Variants in SKIL observed in about 807,000 individuals in gnomAD.
SKIL encodes the protein SKI like proto-oncogene.
In SKIL, 20 loss-of-function variants were observed where a neutral mutation model predicts 69.6. The observed-to-expected ratio is 0.29, with a 90% CI of 0.20 to 0.42. The LOEUF (loss-of-function observed/expected upper bound fraction) is 0.42, where lower values mean the gene tolerates loss of function less well. Among genes scored for constraint, SKIL ranks in the 10% least tolerant of loss-of-function variants. SKIL has a pLI of 1.00. For synonymous variants in SKIL, 310 were observed against 279.9 expected, an observed-to-expected ratio of 1.11 and a Z score of -1.08; for missense variants, 745 against 783.1, an observed-to-expected ratio of 0.95 and a Z score of 0.58.
At chr3:170,385,985 T>G (rs1737609678) in intron 4 of SKIL, among the ~76,000 whole-genome samples, 1 of 151,298 alleles carries the variant, frequency 6.6e-6, no homozygotes, top group Non-Finnish European at 1.5e-5. Context: ...AGAGACGGGT[T>G]TTCTCCATGT....
At chr3:170,388,981 T>C (rs1737780857) in intron 4 of SKIL, among the ~76,000 whole-genome samples, 1 of 152,082 alleles carries the variant, frequency 6.6e-6, no homozygotes, top group Non-Finnish European at 1.5e-5. Context: ...CCAATTTTTC[T>C]GTCTCAGCCT....
intron 3 of SKIL, among the ~76,000 whole-genome samples, chr3:170,383,630 A>G (rs576426116): frequency 5.3e-5 from 8 of 152,194 alleles, no homozygotes; most frequent in Admixed American, 1.3e-4. Flanking sequence ...ATTTTATCAA[A>G]TGAGTAGGAA....
intron 2 of SKIL, among the ~76,000 whole-genome samples, chr3:170,372,147 A>G (rs966201189): frequency 1.3e-5 from 2 of 152,220 alleles, no homozygotes; most frequent in African/African-American, 2.4e-5. Flanking sequence ...ATAAAATGTC[A>G]CAGGATTAAC....
At chr3:170,371,893 A>G (rs1334029868) in intron 2 of SKIL, among the ~76,000 whole-genome samples, 2 of 152,236 alleles carry the variant, frequency 1.3e-5, no homozygotes, top group Non-Finnish European at 2.9e-5. Flanking sequence ...TGGAAAATAG[A>G]GGACATTGCA....
intron 2 of SKIL, among the ~76,000 whole-genome samples, chr3:170,377,435 G>A (rs1577428405): frequency 7.2e-6 from 1 of 139,076 alleles, no homozygotes; most frequent in Admixed American, 7.4e-5. Context: ...TACATATCAT[G>A]TAGAGACCTT....
intron 2 of SKIL, among the ~76,000 whole-genome samples, chr3:170,370,320 A>C (rs113678577): frequency 6.6e-6 from 1 of 152,160 alleles, no homozygotes; most frequent in East Asian, 1.9e-4. Flanking sequence ...TAGGAAAGAT[A>C]TAAAATTAGT....
In SKIL at chr3:170,392,550, A is replaced by C; in HGVS notation, c.*133A>C. On this transcript the variant is annotated 3_prime_UTR_variant, in exon 7 of 7. Coordinates refer to ENST00000259119, the MANE Select transcript of SKIL (RefSeq NM_005414.5). ...CATTCTATCCATTTGTAGATCAGAGAAAGTGAAGAGATTATATATTAGTAC... is the reference window on the plus strand; with the variant it reads ...CATTCTATCCATTTGTAGATCAGAGCAAGTGAAGAGATTATATATTAGTAC... 1 of 518,980 alleles carries C rather than the reference A, an allele frequency of 1.9e-6. No homozygotes were observed. Among genetic ancestry groups the C allele is most frequent in the Non-Finnish European group, 3.4e-6 (1 of 291,762 alleles). 32.1% of individuals were successfully genotyped at this position (518,980 alleles called of 1,614,324 possible).
intron 2 of SKIL, among the ~76,000 whole-genome samples, chr3:170,366,239 A>G (rs1014303067): frequency 7.2e-5 from 11 of 152,136 alleles, no homozygotes; most frequent in Non-Finnish European, 1.2e-4. Flanking sequence ...CAACTTAATT[A>G]TTTTACAATT....
chr3:170,384,442 A>AT (rs1737515078), intron 3 of SKIL, 91 bp from the exon 4 acceptor site: 3 of 594,484 alleles, frequency 5.0e-6, no homozygotes, highest in Non-Finnish European at 5.9e-6. Context: ...GAAAAAAAAA[A>AT]GTTTAACCAC....
In SKIL at chr3:170,360,012, T is replaced by C. The variant is rs997185750; in HGVS notation, c.-320T>C. On this transcript the variant is annotated 5_prime_UTR_variant, in exon 2 of 7. Coordinates refer to ENST00000259119, the MANE Select transcript of SKIL (RefSeq NM_005414.5). ...TTGCATTGACCCTGGACATCTTTAA[T>C]TGAGAAATTGGTAACTTTATTTTAA... The C allele has an allele frequency of 4.8e-6, 1 of 207,032 alleles. No homozygotes were observed. The highest frequency in any genetic ancestry group is 9.7e-6 in the Non-Finnish European group (1 of 103,544). The allele number at this position is 207,032 out of a possible 1,614,324, so 12.8% of individuals were successfully genotyped here.
chr3:170,367,908 A>T (rs1030660533), intron 2 of SKIL, among the ~76,000 whole-genome samples: 13 of 152,006 alleles, frequency 8.6e-5, no homozygotes, highest in South Asian at 6.2e-4. Flanking sequence ...AACTTAAAAA[A>T]TTTTTTTTCC....
chr3:170,368,255 G>A lies in SKIL; in HGVS notation c.1098+6826G>A, dbSNP rs572441594. ...GGGGATAAGTTGAGAGTCAGATGAA[G>A]TATTTGTGCTCATATGAGGGACCAT... On this transcript the variant is annotated intron_variant, in intron 2 of 6. Transcript: ENST00000259119. Among the ~76,000 whole-genome samples the A allele has an allele frequency of 2.0e-5, 3 of 152,272 alleles. No homozygotes were observed. In the East Asian group the frequency reaches 5.8e-4, roughly 29 times the overall value.
At chr3:170,364,655 A>G (rs1223248535) in intron 2 of SKIL, among the ~76,000 whole-genome samples, 1 of 151,996 alleles carries the variant, frequency 6.6e-6, no homozygotes, top group Non-Finnish European at 1.5e-5. Flanking sequence ...ACATAAGTGT[A>G]TTTTGGATAA....
chr3:170,389,562 T>C (rs1223895383), intron 4 of SKIL, among the ~76,000 whole-genome samples: 3 of 149,648 alleles, frequency 2.0e-5, no homozygotes, highest in African/African-American at 4.9e-5. Flanking sequence ...GATCCGCCCT[T>C]CTCGGCCTCC....
intron 2 of SKIL, among the ~76,000 whole-genome samples, chr3:170,362,417 G>A (rs1192408030): frequency 6.6e-6 from 1 of 152,102 alleles, no homozygotes; most frequent in Non-Finnish European, 1.5e-5. Flanking sequence ...CAGGAGAATC[G>A]CTTGAACCCC....
rs1030060717 is a variant in SKIL at position 170,360,259 on chromosome 3, T to C, written c.-73T>C. ...ATAGGCATTTGTATCCATTCATTAC[T>C]TTCCTCTTTTCAAATAAGCAACTAA... On this transcript the variant is annotated 5_prime_UTR_variant, in exon 2 of 7. Transcript: ENST00000259119. 1.5e-6 allele frequency: 2 copies of C among 1,378,458 alleles called. No individual in the cohort carries two copies. The highest frequency in any genetic ancestry group is 2.9e-5 in the African/African-American group (2 of 69,180). The allele number at this position is 1,378,458 out of a possible 1,614,324, so 85.4% of individuals were successfully genotyped here. A position where few individuals can be genotyped will look rare whatever the true frequency, so the allele number is the denominator to read the frequency against.
At chr3:170,382,018 C>T (rs1288115651) in intron 3 of SKIL, among the ~76,000 whole-genome samples, 1 of 151,744 alleles carries the variant, frequency 6.6e-6, no homozygotes, top group Non-Finnish European at 1.5e-5. Context: ...GGAGGCAGAG[C>T]TTGCAGTGAG....
intron 2 of SKIL, among the ~76,000 whole-genome samples, chr3:170,374,675 G>A (rs913556121): frequency 1.3e-5 from 2 of 152,092 alleles, no homozygotes; most frequent in Non-Finnish European, 2.9e-5. Flanking sequence ...TGAATGTTTT[G>A]TTGTATCATA....
intron 2 of SKIL, among the ~76,000 whole-genome samples, chr3:170,366,490 G>T (rs571372468): frequency 9.9e-5 from 15 of 152,002 alleles, no homozygotes; most frequent in Non-Finnish European, 2.2e-4. Context: ...GACCAGCCTG[G>T]CCAATATGGT....
Sources: allele counts gnomAD v4.1 joint callset (sites outside exome capture counted in the v4.1 genomes callset), GRCh38; gene constraint gnomAD v4.1.1; transcripts MANE v1.5; gene names NCBI Gene and HGNC (gene_info 2026-07-23, HGNC 2026-07-21).